CDKAL1: variants seen among roughly 807,000 people sequenced by gnomAD.
The protein encoded by CDKAL1 is CDKAL1 threonylcarbamoyladenosine tRNA methylthiotransferase.
In CDKAL1, 32 loss-of-function variants were observed where a neutral mutation model predicts 68.2. The observed-to-expected ratio is 0.47, with a 90% CI of 0.35 to 0.63. The LOEUF is 0.63. CDKAL1 is among the 30% of genes least tolerant of loss of function. The pLI is 0.00. For synonymous variants in CDKAL1, 234 were observed against 244.3 expected (o/e 0.96, Z 0.39); for missense variants, 606 against 696.7 (o/e 0.87, Z 1.47).
At chr6:21,073,021 G>C (rs1771874877) in intron 12 of CDKAL1, among the ~76,000 whole-genome samples, 1 of 152,046 alleles carries the variant, frequency 6.6e-6, no homozygotes, top group Admixed American at 6.6e-5. Context: ...GGCAACCACT[G>C]ATCTACTGCC....
chr6:21,108,060 C>T (rs1235780053), intron 12 of CDKAL1, among the ~76,000 whole-genome samples: 3 of 152,052 alleles, frequency 2.0e-5, no homozygotes, highest in Non-Finnish European at 4.4e-5. Flanking sequence ...CGGAAGTGCC[C>T]TGTGTATTAA....
intron 4 of CDKAL1, among the ~76,000 whole-genome samples, chr6:20,556,505 A>C (rs1325092502): frequency 1.3e-5 from 2 of 152,340 alleles, no homozygotes; most frequent in Non-Finnish European, 2.9e-5. Context: ...TGGAAATTCT[A>C]GTGGATTCAA....
At chr6:20,894,391 CTTT>C (rs5874793) in intron 9 of CDKAL1, among the ~76,000 whole-genome samples, 8 of 124,070 alleles carry the variant, frequency 6.4e-5, no homozygotes, top group Admixed American at 8.4e-5. Flanking sequence ...ACCCCACATA[CTTT>C]TTTTTTTTTT....
intron 9 of CDKAL1, among the ~76,000 whole-genome samples, chr6:20,941,063 G>A (rs376035224): frequency 1.1e-4 from 16 of 151,636 alleles, no homozygotes; most frequent in African/African-American, 3.9e-4. Context: ...CTCTAGCCTG[G>A]GCGACAGACG....
intron 9 of CDKAL1, among the ~76,000 whole-genome samples, chr6:20,883,142 G>A (rs1444878138): frequency 6.6e-6 from 1 of 152,056 alleles, no homozygotes; most frequent in East Asian, 1.9e-4. Flanking sequence ...ATTGGTACAG[G>A]GGCCCACCTA....
At chr6:21,092,085 A>C (rs1162243343) in intron 12 of CDKAL1, among the ~76,000 whole-genome samples, 1 of 150,242 alleles carries the variant, frequency 6.7e-6, no homozygotes, top group Non-Finnish European at 1.5e-5. Flanking sequence ...ACGGGGTTTC[A>C]CCATGTTAGC....
chr6:20,967,982 G>T (rs535661650), intron 10 of CDKAL1, among the ~76,000 whole-genome samples: 1 of 152,130 alleles, frequency 6.6e-6, no homozygotes, highest in South Asian at 2.1e-4. Flanking sequence ...TCTTACTGAG[G>T]ATCCCTTATC....
intron 9 of CDKAL1, among the ~76,000 whole-genome samples, chr6:20,953,221 G>A (rs1255751079): frequency 1.3e-5 from 2 of 152,088 alleles, no homozygotes; most frequent in African/African-American, 4.8e-5. Context: ...AGCCCACCAG[G>A]GGGCTATTGG....
At chr6:21,221,353 C>T (rs974166460) in intron 15 of CDKAL1, among the ~76,000 whole-genome samples, 10 of 151,718 alleles carry the variant, frequency 6.6e-5, no homozygotes, top group Non-Finnish European at 1.0e-4. Flanking sequence ...CTTAGCCTCC[C>T]GAGTAGCTGG....
intron 11 of CDKAL1, among the ~76,000 whole-genome samples, chr6:21,049,318 A>C (rs1770414669): frequency 6.6e-6 from 1 of 152,136 alleles, no homozygotes; most frequent in Non-Finnish European, 1.5e-5. Context: ...TTTCCTTTTC[A>C]CCTTGAATAA....
chr6:20,644,509 C>A (rs1357847575), intron 4 of CDKAL1, among the ~76,000 whole-genome samples: 39 of 151,912 alleles, frequency 2.6e-4, no homozygotes, highest in Admixed American at 2.6e-3. Context: ...AACCCTGTCT[C>A]TACTAAAAAT....
chr6:21,085,502 C>G (rs1409185645), intron 12 of CDKAL1, among the ~76,000 whole-genome samples: 1 of 152,096 alleles, frequency 6.6e-6, no homozygotes, highest in Admixed American at 6.5e-5. Context: ...GCTGTTAAAA[C>G]TTGGGGGCTT....
intron 5 of CDKAL1, among the ~76,000 whole-genome samples, chr6:20,735,367 A>G (rs1268085108): frequency 6.6e-6 from 1 of 152,140 alleles, no homozygotes. Context: ...ACTTACAATC[A>G]TGGCAGAAGG....
chr6:20,889,131 G>A (rs1448443151), intron 9 of CDKAL1, among the ~76,000 whole-genome samples: 2 of 152,104 alleles, frequency 1.3e-5, no homozygotes, highest in Admixed American at 6.5e-5. Context: ...GTGATGATGA[G>A]CATTTTTTCA....
intron 13 of CDKAL1, among the ~76,000 whole-genome samples, chr6:21,180,494 T>C (rs1562096472): frequency 6.6e-6 from 1 of 152,190 alleles, no homozygotes; most frequent in Non-Finnish European, 1.5e-5. Flanking sequence ...AGAAGTTAGC[T>C]GTCTGGTCCC....
chr6:20,954,563 C>A (rs1388296310), intron 9 of CDKAL1, among the ~76,000 whole-genome samples: 1 of 152,096 alleles, frequency 6.6e-6, no homozygotes, highest in African/African-American at 2.4e-5. Context: ...ATAGGCTGAT[C>A]ATTTCATTGA....
At chr6:21,087,056 C>T (rs115008289) in intron 12 of CDKAL1, among the ~76,000 whole-genome samples, 1,609 of 152,162 alleles carry the variant, frequency 0.011, 24 homozygotes, top group African/African-American at 0.037. Context: ...ATGTATCCAC[C>T]CTTCCATTAA....
chr6:20,953,553 T>C (rs1449480681), intron 9 of CDKAL1, among the ~76,000 whole-genome samples: 1 of 152,222 alleles, frequency 6.6e-6, no homozygotes, highest in African/African-American at 2.4e-5. Flanking sequence ...AGCCATCTCT[T>C]TTCCTGGAGT....
At chr6:20,599,784 C>A (rs918726486) in intron 4 of CDKAL1, among the ~76,000 whole-genome samples, 6 of 152,112 alleles carry the variant, frequency 3.9e-5, no homozygotes, top group African/African-American at 1.4e-4. Context: ...AATTGGTCAT[C>A]TTGATAGCTT....
Sources: allele counts gnomAD v4.1 joint callset (sites outside exome capture counted in the v4.1 genomes callset), GRCh38; gene constraint gnomAD v4.1.1; transcripts MANE v1.5; gene names NCBI Gene and HGNC (gene_info 2026-07-23, HGNC 2026-07-21).